The following UBE3C variants were observed in gnomAD, a reference collection of about 807,000 sequenced individuals.
The protein encoded by UBE3C is ubiquitin protein ligase E3C.
A neutral mutation model predicts 129.4 loss-of-function variants in UBE3C; 42 were observed. That is an observed-to-expected ratio of 0.32 (90% CI 0.25 to 0.42). The LOEUF (loss-of-function observed/expected upper bound fraction) is 0.42. UBE3C is among the 10% of genes least tolerant of loss of function. UBE3C has a pLI of 1.00. For missense variants in UBE3C, 1,049 were observed against 1,319.1 expected (o/e 0.80, Z 3.17); for synonymous variants, 510 against 492.4 (o/e 1.04, Z -0.47).
chr7:157,228,171 C>T (rs761933789), intron 17 of UBE3C, among the ~76,000 whole-genome samples: 5 of 152,220 alleles, frequency 3.3e-5, no homozygotes, highest in South Asian at 2.1e-4. Context: ...CGATTCTCTG[C>T]AGTGTGCATG....
intron 10 of UBE3C, chr7:157,188,845 C>T: frequency 6.8e-6 from 3 of 443,412 alleles, no homozygotes; most frequent in South Asian, 6.0e-5. Flanking sequence ...TAGTATATTC[C>T]CAGGCTGATA....
At chr7:157,197,428 T>C (rs1205027849) in intron 10 of UBE3C, among the ~76,000 whole-genome samples, 3 of 151,802 alleles carry the variant, frequency 2.0e-5, no homozygotes, top group African/African-American at 7.3e-5. Flanking sequence ...CTATTCCTAA[T>C]CCAGATTTGT....
chr7:157,234,934 G>A (rs1046443712), intron 18 of UBE3C, among the ~76,000 whole-genome samples: 29 of 152,332 alleles, frequency 1.9e-4, no homozygotes, highest in African/African-American at 7.0e-4. Flanking sequence ...GATCACACCT[G>A]TAATCCCAGC....
At position 157,186,940 on chromosome 7, in the gene UBE3C, C is replaced by T. The variant is rs909558822; in HGVS notation, c.1250C>T (p.Ala417Val). 5 of 1,613,814 alleles carry T rather than the reference C, an allele frequency of 3.1e-6. No individual in the cohort carries two copies. Among genetic ancestry groups the T allele is most frequent in the Non-Finnish European group, 3.4e-6 (4 of 1,179,948 alleles). Residue 417 changes from alanine to valine, a missense_variant, in exon 10 of 23, where the codon GCG (alanine) becomes GTG (valine). Coordinates refer to ENST00000348165, the MANE Select transcript of UBE3C (RefSeq NM_014671.3). The stretch of plus-strand genomic sequence containing the variant: ...CTCAACCTGGTGTGGAGGGACTCTG[C>T]GAGCGAGGAGGTCTTCACCACCATG... The part of the protein sequence containing the change: ...TLLNLVWRDS[A>V]SEEVFTTMAS...
intron 18 of UBE3C, among the ~76,000 whole-genome samples, chr7:157,237,217 A>G (rs6975954): frequency 0.33 from 50,776 of 151,712 alleles, 11,527 homozygotes; most frequent in African/African-American, 0.64. Context: ...CGAGGTGGGC[A>G]GATCACCAGG....
chr7:157,268,098 CCTGAGCA>C lies in UBE3C; in HGVS notation c.*344_*350del. On this transcript the variant is annotated 3_prime_UTR_variant, in exon 23 of 23. Coordinates refer to ENST00000348165, the MANE Select transcript of UBE3C (RefSeq NM_014671.3). Reference sequence around the variant, plus strand: ...GCTTTGCTGGTGAGATCAGAGCCCTCCTGAGCAGGCAGCGCCACTCCAGGGTTCAGAC... The same window carrying C: ...GCTTTGCTGGTGAGATCAGAGCCCTCGGCAGCGCCACTCCAGGGTTCAGAC... The C allele has an allele frequency of 5.5e-6, 1 of 181,064 alleles. No individual in the cohort carries two copies. The highest frequency in any genetic ancestry group is 1.1e-5 in the Non-Finnish European group (1 of 87,752). 11.2% of individuals were successfully genotyped at this position (181,064 alleles called of 1,614,324 possible). A position where few individuals can be genotyped will look rare whatever the true frequency, so the allele number is the denominator to read the frequency against.
chr7:157,238,329 T>C (rs539362908), intron 18 of UBE3C, among the ~76,000 whole-genome samples: 1 of 152,062 alleles, frequency 6.6e-6, no homozygotes, highest in Non-Finnish European at 1.5e-5. Context: ...CCTCCTTGGC[T>C]TTGGTGTAAG....
At chr7:157,152,246 G>C (rs529739564) in intron 1 of UBE3C, among the ~76,000 whole-genome samples, 2 of 152,088 alleles carry the variant, frequency 1.3e-5, no homozygotes. Flanking sequence ...TGGGGGAAAG[G>C]TAATTAGGGA....
At position 157,201,737 on chromosome 7, in the gene UBE3C, G is replaced by T. The variant is rs1466775655; in HGVS notation, c.1348G>T (p.Ala450Ser). ...CCTTTTTAGGCTTCTCTACAGTTTA[G>T]CCTTTAATGCCAGGTTTCTGAGACA... is the stretch of plus-strand genomic sequence containing the variant. The part of the protein sequence containing the change: ...VPKVRLLYSL[A>S]FNARFLRHLW... The change falls in exon 11 of 23, where the codon GCC becomes TCC. Residue 450 changes from alanine (A) to serine (S), a missense_variant. Ala to Ser is a moderately conservative substitution (Grantham distance 99). This residue lies in a region of UBE3C where 314 missense variants were observed against 416.9 expected (regional missense o/e 0.75). Transcript: ENST00000348165. 1 of 1,581,604 alleles carries T rather than the reference G, an allele frequency of 6.3e-7. No homozygotes were observed. Among genetic ancestry groups the T allele is most frequent in the African/African-American group, 1.4e-5 (1 of 71,498 alleles).
intron 2 of UBE3C, among the ~76,000 whole-genome samples, chr7:157,167,493 C>T (rs529155505): frequency 4.6e-5 from 7 of 151,818 alleles, no homozygotes; most frequent in African/African-American, 1.7e-4. Context: ...TGATGCTCAC[C>T]TGTAAGATGA....
intron 18 of UBE3C, among the ~76,000 whole-genome samples, chr7:157,247,651 G>A (rs375397361): frequency 4.5e-4 from 69 of 151,988 alleles, no homozygotes; most frequent in African/African-American, 1.6e-3. Context: ...GAGATCGCGC[G>A]GCTGCACTCC....
rs770500255 is a variant in UBE3C at position 157,181,528 on chromosome 7, G to A, written c.627G>A (p.Arg209=). ...TGTTTTTCCTTTTAGGGTATTATAG[G>A]TCTCTATATTTGTTGATTAACAGCA... ...LHYMIHNGYY[R]SLYLLINSKL... is the part of the protein sequence containing the mutation. The change falls in exon 7 of 23, where the codon AGG becomes AGA. Residue 209 remains arginine (R), a synonymous_variant. Coordinates refer to ENST00000348165, the MANE Select transcript of UBE3C (RefSeq NM_014671.3). The A allele has an allele frequency of 2.2e-5, 36 of 1,603,014 alleles. No homozygotes were observed. Among genetic ancestry groups the A allele is most frequent in the Non-Finnish European group, 2.8e-5 (33 of 1,176,602 alleles).
At chr7:157,177,006 G>A (rs1478705824) in intron 5 of UBE3C, among the ~76,000 whole-genome samples, 2 of 152,120 alleles carry the variant, frequency 1.3e-5, no homozygotes, top group African/African-American at 4.8e-5. Flanking sequence ...CTCCTTTTAT[G>A]ACTAATCACA....
chr7:157,183,325 C>G (rs1808718181), intron 8 of UBE3C, among the ~76,000 whole-genome samples: 1 of 152,178 alleles, frequency 6.6e-6, no homozygotes, highest in Admixed American at 6.5e-5. Context: ...TCCTCAGCCC[C>G]TCCTTGGGAT....
chr7:157,148,731 CTTTTTTTT>C (rs58138213), intron 1 of UBE3C, among the ~76,000 whole-genome samples: 34 of 131,774 alleles, frequency 2.6e-4, no homozygotes, highest in African/African-American at 9.2e-4. Flanking sequence ...CAAATTAGTT[CTTTTTTTT>C]TTTTTTTTTT....
At chr7:157,163,944 G>T in intron 2 of UBE3C, 81 bp downstream of exon 2, 1 of 1,234,682 alleles carries the variant, frequency 8.1e-7, no homozygotes, top group East Asian at 2.4e-5. Flanking sequence ...CTGTATATAT[G>T]TATGTGTGTA....
At chr7:157,174,269 T>C (rs1217771491) in intron 4 of UBE3C, among the ~76,000 whole-genome samples, 1 of 152,132 alleles carries the variant, frequency 6.6e-6, no homozygotes, top group Non-Finnish European at 1.5e-5. Context: ...GGCTAAGGCA[T>C]GAGACTTATG....
At chr7:157,197,468 A>G (rs2286132) in intron 10 of UBE3C, 126,870 of 705,270 alleles carry the variant, frequency 0.18, 13,009 homozygotes, top group East Asian at 0.39. Flanking sequence ...CAGAATAACA[A>G]TAAAACCAAA....
chr7:157,255,429 T>TA (rs1796727290), intron 21 of UBE3C, among the ~76,000 whole-genome samples: 4 of 152,368 alleles, frequency 2.6e-5, no homozygotes, highest in African/African-American at 9.6e-5. Context: ...TATCCATGCG[T>TA]ATGTATCTCT....
Sources: gnomAD v4.1 joint callset for allele counts (sites outside exome capture counted in the v4.1 genomes callset) on GRCh38, gnomAD v4.1.1 for gene constraint, gnomAD v4.1.1 regional missense constraint, MANE v1.5 for transcripts, NCBI Gene and HGNC (gene_info 2026-07-23, HGNC 2026-07-21) for gene names.